THAP12: variants seen among roughly 807,000 people sequenced by gnomAD.
THAP12 encodes the protein 52 kDa repressor of the inhibitor of the protein kinase.
A neutral mutation model predicts 63.0 loss-of-function variants in THAP12; 20 were observed. The ratio of observed to expected loss-of-function variants is 0.32; its 90% confidence interval spans 0.22 to 0.46. The LOEUF is 0.46. THAP12 is among the 20% of genes least tolerant of loss of function. The pLI is 1.00. For synonymous variants in THAP12, 264 were observed against 328.4 expected, an observed-to-expected ratio of 0.80 and a Z score of 2.12; for missense variants, 568 against 908.2, an observed-to-expected ratio of 0.63 and a Z score of 4.81.
intron 1 of THAP12, among the ~76,000 whole-genome samples, chr11:76,375,398 T>TA (rs969851922): frequency 6.6e-6 from 1 of 152,054 alleles, no homozygotes; most frequent in Admixed American, 6.5e-5. Context: ...GGCTTTTTTT[T>TA]TTTTTTTTTA....
At chr11:76,367,154 G>A (rs1946637116) in intron 1 of THAP12, among the ~76,000 whole-genome samples, 1 of 151,250 alleles carries the variant, frequency 6.6e-6, no homozygotes, top group African/African-American at 2.4e-5. Context: ...TTGGCTCACT[G>A]CAACCTCTGC....
intron 3 of THAP12, chr11:76,359,646 G>A (rs1416865135): frequency 6.6e-6 from 1 of 152,148 alleles, no homozygotes; most frequent in Admixed American, 6.5e-5. Context: ...TGGCTGACAT[G>A]GCAAAACCGC....
intron 1 of THAP12, among the ~76,000 whole-genome samples, chr11:76,374,304 G>C (rs1435606162): frequency 6.6e-6 from 1 of 150,946 alleles, no homozygotes; most frequent in African/African-American, 2.4e-5. Context: ...GTATGTCTCT[G>C]TAAAACCATA....
chr11:76,366,356 A>C (rs1946630439), intron 1 of THAP12, among the ~76,000 whole-genome samples: 1 of 152,166 alleles, frequency 6.6e-6, no homozygotes, highest in Non-Finnish European at 1.5e-5. Context: ...TTTCAACTTC[A>C]ACAAGCATAC....
At chr11:76,375,134 T>C (rs1946700366) in intron 1 of THAP12, among the ~76,000 whole-genome samples, 1 of 152,166 alleles carries the variant, frequency 6.6e-6, no homozygotes, top group Admixed American at 6.5e-5. Context: ...TTTCACAAAG[T>C]AGAGCACACC....
At chr11:76,374,400 AAC>A (rs1946694785) in intron 1 of THAP12, among the ~76,000 whole-genome samples, 2 of 145,460 alleles carry the variant, frequency 1.4e-5, no homozygotes, top group East Asian at 2.0e-4. Context: ...AAAAAAAAAA[AAC>A]ACATCAGTAT....
intron 1 of THAP12, among the ~76,000 whole-genome samples, 192 bp from the exon 2 acceptor site, chr11:76,366,164 C>A (rs1946629175): frequency 2.0e-5 from 3 of 152,110 alleles, no homozygotes; most frequent in Admixed American, 2.0e-4. Flanking sequence ...ACCAACATTT[C>A]AATTACAGAC....
At chr11:76,372,786 CAG>C in intron 1 of THAP12, among the ~76,000 whole-genome samples, 2 of 151,548 alleles carry the variant, frequency 1.3e-5, no homozygotes, top group East Asian at 3.9e-4. Flanking sequence ...ACTTGGGAGG[CAG>C]AGATGGGAGG....
At position 76,365,153 on chromosome 11, in the gene THAP12, A is replaced by G. The variant is rs1197793399; in HGVS notation, c.210+699T>C. Reference sequence around the variant, plus strand: ...AAAATTAGCTGGGCGTGGTGGCACAATGCCTGTAATCTCAGCTACTTGGGA... The same window carrying G: ...AAAATTAGCTGGGCGTGGTGGCACAGTGCCTGTAATCTCAGCTACTTGGGA... On this transcript the variant is annotated intron_variant, in intron 2 of 4. Transcript: ENST00000260045. Among the ~76,000 whole-genome samples, 3 of 151,992 alleles carry G rather than the reference A, an allele frequency of 2.0e-5. No individual in the cohort carries two copies. The South Asian group carries it at 6.2e-4, about 32-fold the overall frequency.
chr11:76,358,251 T>A (rs956997059), intron 3 of THAP12: 5 of 150,802 alleles, frequency 3.3e-5, no homozygotes, highest in Non-Finnish European at 7.4e-5. Flanking sequence ...ACCTTGATAT[T>A]ATAACTGGGT....
At chr11:76,361,173 A>C in intron 2 of THAP12, 110 bp from the exon 3 acceptor site, 1 of 681,222 alleles carries the variant, frequency 1.5e-6, no homozygotes, top group South Asian at 2.0e-5. Context: ...CCAGCTCTAA[A>C]GTATAGAGAC....
At chr11:76,376,280 G>C (rs1946709635) in intron 1 of THAP12, among the ~76,000 whole-genome samples, 2 of 152,172 alleles carry the variant, frequency 1.3e-5, no homozygotes, top group Non-Finnish European at 2.9e-5. Context: ...AATTATATGT[G>C]AATTGCATCT....
At chr11:76,358,467 C>G (rs1410813038) in intron 3 of THAP12, 1 of 152,106 alleles carries the variant, frequency 6.6e-6, no homozygotes, top group African/African-American at 2.4e-5. Flanking sequence ...ATGAACTTGT[C>G]TATTAAATAC....
intron 1 of THAP12, among the ~76,000 whole-genome samples, chr11:76,366,981 T>C (rs1946635510): frequency 6.6e-6 from 1 of 152,146 alleles, no homozygotes; most frequent in African/African-American, 2.4e-5. Context: ...TTTCCAAAGA[T>C]GGGTACTATT....
Position 76,351,873 on chromosome 11 carries a change from T to C in THAP12, c.1277A>G (p.Gln426Arg). ...GKELKEICHS[Q>R]WTGRHDAFEI... ...AAAAGCATCATGCCTGCCTGTCCAC[T>C]GAGAATGGCAGATTTCCTTCAGTTC... is the stretch of plus-strand genomic sequence containing the variant. Residue 426 changes from glutamine to arginine, a missense_variant, in exon 5 of 5, where the codon CAG becomes CGG. Gln to Arg is a conservative substitution (Grantham distance 43). Coordinates refer to ENST00000260045, the MANE Select transcript of THAP12 (RefSeq NM_004705.4). 1 of 1,600,610 alleles carries C rather than the reference T, an allele frequency of 6.2e-7. No individual in the cohort carries two copies. The highest frequency in any genetic ancestry group is 8.5e-7 in the Non-Finnish European group (1 of 1,173,762).
chr11:76,351,011 T>A lies in THAP12; in HGVS notation c.2139A>T (p.Thr713=). The A allele has an allele frequency of 1.2e-6, 2 of 1,611,916 alleles. No homozygotes were observed. Among genetic ancestry groups the A allele is most frequent in the Non-Finnish European group, 1.7e-6 (2 of 1,179,786 alleles). The stretch of plus-strand genomic sequence containing the variant: ...AAGCCAAGTTACTTGACCTTTGGTC[T>A]GTCAAAGTGTTCCTCAAATATGCTT... The part of the protein sequence containing the change: ...RLKAYLRNTL[T]DQRSSNLALL... The change falls in exon 5 of 5, where the codon ACA becomes ACT. Residue 713 remains threonine, a synonymous_variant. Coordinates refer to ENST00000260045, the MANE Select transcript of THAP12 (RefSeq NM_004705.4).
At chr11:76,360,004 C>A (rs1338402229) in intron 3 of THAP12, among the ~76,000 whole-genome samples, 1 of 152,126 alleles carries the variant, frequency 6.6e-6, no homozygotes, top group African/African-American at 2.4e-5. Context: ...CCCAAAACAG[C>A]CTCATGTAAA....
In THAP12 at chr11:76,376,267, G is replaced by C. The variant is rs371001451; in HGVS notation, c.89+4481C>G. Among the ~76,000 whole-genome samples, 10 of 152,240 alleles carry C rather than the reference G, an allele frequency of 6.6e-5. No individual in the cohort carries two copies. In the East Asian group the frequency reaches 1.4e-3, roughly 21 times the overall value. ...ACCCCAAATCGTACACTTTACATGG[G>C]TGAATTATATGTGAATTGCATCTCA... On this transcript the variant is annotated intron_variant, in intron 1 of 4. Coordinates refer to ENST00000260045, the MANE Select transcript of THAP12 (RefSeq NM_004705.4).
At position 76,380,848 on chromosome 11, in the gene THAP12, C is replaced by A; in HGVS notation, c.-12G>T. 8 of 1,420,778 alleles carry A rather than the reference C, an allele frequency of 5.6e-6. No homozygotes were observed. Among genetic ancestry groups the A allele is most frequent in the Non-Finnish European group, 6.5e-6 (7 of 1,075,368 alleles). 88.0% of individuals were successfully genotyped at this position (1,420,778 alleles called of 1,614,324 possible). ...CAGAAGTTCGGCATCGTCGCCCGCC[C>A]GCCGGCCGGCCCAGCCCTCCCCTCC... On this transcript the variant is annotated 5_prime_UTR_variant, in exon 1 of 5. Coordinates refer to ENST00000260045, the MANE Select transcript of THAP12 (RefSeq NM_004705.4).
Sources: allele counts gnomAD v4.1 joint callset (sites outside exome capture counted in the v4.1 genomes callset), GRCh38; gene constraint gnomAD v4.1.1; transcripts MANE v1.5; gene names NCBI Gene and HGNC (gene_info 2026-07-23, HGNC 2026-07-21).